The following TWF2 variants were observed in gnomAD, a reference collection of about 807,000 sequenced individuals.
The protein encoded by TWF2 is twinfilin actin binding protein 2.
A neutral mutation model predicts 45.1 loss-of-function variants in TWF2; 15 were observed. The ratio of observed to expected loss-of-function variants is 0.33; its 90% CI spans 0.22 to 0.51. The LOEUF (loss-of-function observed/expected upper bound fraction) is 0.51, where lower values mean the gene tolerates loss of function less well. Ranked by LOEUF, TWF2 falls within the 20% of genes least tolerant of loss-of-function variation. The pLI, the probability that TWF2 is intolerant of heterozygous loss-of-function variation, is 0.97. For missense variants in TWF2, 423 were observed against 469.1 expected, an observed-to-expected ratio of 0.90 and a Z score of 0.91; for synonymous variants, 177 against 195.8, an observed-to-expected ratio of 0.90 and a Z score of 0.80.
chr3:52,229,835 C>T (rs201505921), intron 7 of TWF2, 53 bp from the exon 8 acceptor site: 101 of 1,598,208 alleles, frequency 6.3e-5, no homozygotes, highest in Middle Eastern at 5.0e-4. Flanking sequence ...TGCTGACCTT[C>T]GCACCCAGAG....
chr3:52,236,720 C>A (rs995206824), intron 1 of TWF2, among the ~76,000 whole-genome samples: 1 of 152,184 alleles, frequency 6.6e-6, no homozygotes, highest in African/African-American at 2.4e-5. Flanking sequence ...TATGCACCAC[C>A]CTCCAAGGCC....
chr3:52,230,251 G>A (rs891344339), intron 6 of TWF2, among the ~76,000 whole-genome samples, 181 bp from the exon 7 acceptor site: 1 of 152,200 alleles, frequency 6.6e-6, no homozygotes, highest in South Asian at 2.1e-4. Flanking sequence ...GCCAGTCCTG[G>A]GCCCAGCCCC....
At chr3:52,231,060 G>T in intron 5 of TWF2, 65 bp from the exon 6 acceptor site, 1 of 1,610,096 alleles carries the variant, frequency 6.2e-7, no homozygotes, top group East Asian at 2.2e-5. Context: ...CTCCCAGGCA[G>T]CACAGGCTGC....
chr3:52,237,043 T>C (rs1699732269), intron 1 of TWF2, among the ~76,000 whole-genome samples: 3 of 152,192 alleles, frequency 2.0e-5, no homozygotes, highest in Non-Finnish European at 2.9e-5. Context: ...TAACAATTAA[T>C]CTTTTATTAT....
intron 6 of TWF2, 126 bp from the exon 7 acceptor site, chr3:52,230,196 A>C: frequency 7.8e-7 from 1 of 1,285,432 alleles, no homozygotes; most frequent in Non-Finnish European, 1.0e-6. Flanking sequence ...CTCTCCCAAG[A>C]CTCCCCTGCA....
rs754743093 is a variant in TWF2 at position 52,239,068 on chromosome 3, G to A, written c.-52C>T. ...CGTCGGAGCCCTCCGCTTGACCCTGGCCCGGCAACGCTCGCTGGACCAAGA... is the reference window on the plus strand; with the variant it reads ...CGTCGGAGCCCTCCGCTTGACCCTGACCCGGCAACGCTCGCTGGACCAAGA... On this transcript the variant is annotated 5_prime_UTR_variant, in exon 1 of 9. Coordinates refer to ENST00000305533, the MANE Select transcript of TWF2 (RefSeq NM_007284.4). 2.5e-6 allele frequency: 4 copies of A among 1,580,820 alleles called. No individual in the cohort carries two copies. Among genetic ancestry groups the A allele is most frequent in the Non-Finnish European group, 3.4e-6 (4 of 1,170,714 alleles).
chr3:52,234,979 C>T, intron 2 of TWF2, 50 bp downstream of exon 2: 1 of 1,598,356 alleles, frequency 6.3e-7, no homozygotes, highest in African/African-American at 1.3e-5. Context: ...CCCACAGAGG[C>T]AGCAGAGTCC....
intron 3 of TWF2, among the ~76,000 whole-genome samples, 189 bp from the exon 4 acceptor site, chr3:52,231,728 C>T (rs1699680682): frequency 6.6e-6 from 1 of 152,224 alleles, no homozygotes; most frequent in Non-Finnish European, 1.5e-5. Context: ...TGATCACAGC[C>T]TCCGGAGCCA....
chr3:52,228,848 G>C lies in TWF2; in HGVS notation c.*186C>G, dbSNP rs1699649950. Reference sequence around the variant, plus strand: ...CCCTGGGCACACAGACGAGATGCAGGGACAGCAACAGGGAAGGGTCACAAA... The same window carrying C: ...CCCTGGGCACACAGACGAGATGCAGCGACAGCAACAGGGAAGGGTCACAAA... On this transcript the variant is annotated 3_prime_UTR_variant, in exon 9 of 9. Transcript: ENST00000305533. 3 of 877,388 alleles carry C rather than the reference G, an allele frequency of 3.4e-6. No homozygotes were observed. The South Asian group carries it at 5.4e-5, about 16-fold the overall frequency. 54.4% of individuals were successfully genotyped at this position (877,388 alleles called of 1,614,324 possible). A position where few individuals can be genotyped will look rare whatever the true frequency, so the allele number is the denominator to read the frequency against.
chr3:52,229,781 C>T lies in TWF2; in HGVS notation c.762G>A (p.Val254=). 6.2e-7 allele frequency: 1 copy of T among 1,611,884 alleles called. No individual in the cohort carries two copies. The change falls in exon 8 of 9, where the codon GTG becomes GTA. Residue 254 remains valine (V), a splice_region_variant and synonymous_variant. Coordinates refer to ENST00000305533, the MANE Select transcript of TWF2 (RefSeq NM_007284.4). ...TGTACCCCGGCATGGAGTAGATGAACACTGTTGGGGGGCAGGAGGTGAGCC... is the reference window on the plus strand; with the variant it reads ...TGTACCCCGGCATGGAGTAGATGAATACTGTTGGGGGGCAGGAGGTGAGCC... ...THEGDPLESV[V]FIYSMPGYKC... is the part of the protein sequence containing the mutation.
In TWF2 at chr3:52,229,133, G is replaced by A. The variant is rs202042376; in HGVS notation, c.951C>T (p.His317=). The part of the protein sequence containing the change: ...FLYDEVHPKQ[H]AFKQAFAKPK... ...GCTTGGCGAAGGCCTGCTTGAAGGCGTGTTGCTTGGGGTGCACCTCGTCGT... is the reference window on the plus strand; with the variant it reads ...GCTTGGCGAAGGCCTGCTTGAAGGCATGTTGCTTGGGGTGCACCTCGTCGT... Residue 317 remains histidine (H), a synonymous_variant, in exon 9 of 9, where the codon CAC becomes CAT. Coordinates refer to ENST00000305533, the MANE Select transcript of TWF2 (RefSeq NM_007284.4). The A allele has an allele frequency of 1.9e-4, 299 of 1,613,614 alleles. 14 individuals are homozygous for A. In the South Asian group the frequency reaches 3.0e-3, roughly 16 times the overall value.
At chr3:52,231,894 C>T in intron 3 of TWF2, 50 bp downstream of exon 3, 1 of 1,581,852 alleles carries the variant, frequency 6.3e-7, no homozygotes, top group Non-Finnish European at 8.6e-7. Context: ...GCCTTGTTGC[C>T]TGGCTCAGCC....
rs569720759 is a variant in TWF2, at chr3:52,237,781, G to A, written c.25+1211C>T. Among the ~76,000 whole-genome samples the A allele has an allele frequency of 2.6e-5, 4 of 152,268 alleles. No individual in the cohort carries two copies. The East Asian group carries it at 7.7e-4, about 29-fold the overall frequency. ...TGACCCAGGCCCCTGCCTTCGCGGG[G>A]CCAGGGAAACCTTCTCAGGGCAGCC... On this transcript the variant is annotated intron_variant, in intron 1 of 8. Transcript: ENST00000305533.
rs1699683566 is a variant in TWF2 at position 52,232,009 on chromosome 3, G to T, written c.217C>A (p.Leu73Ile). ...AAGCCCTGAGCATTCTGTGAGTCGA[G>T]GCGGTAGAGCAGGTAGCAGGGCTGC... ...AQQPCYLLYR[L>I]DSQNAQGFEW... The change falls in exon 3 of 9, where the codon CTC (leucine) becomes ATC (isoleucine). Residue 73 changes from leucine (L) to isoleucine (I), a missense_variant. Coordinates refer to ENST00000305533, the MANE Select transcript of TWF2 (RefSeq NM_007284.4). The T allele has an allele frequency of 6.2e-7, 1 of 1,613,984 alleles. No individual in the cohort carries two copies. Among genetic ancestry groups the T allele is most frequent in the Non-Finnish European group, 8.5e-7 (1 of 1,180,000 alleles).
At chr3:52,230,797 T>A in intron 6 of TWF2, 73 bp downstream of exon 6, 1 of 1,542,964 alleles carries the variant, frequency 6.5e-7, no homozygotes, top group Non-Finnish European at 8.8e-7. Flanking sequence ...GGACTCCATG[T>A]ACATCTGCAC....
chr3:52,236,834 A>G (rs1371976037), intron 1 of TWF2, among the ~76,000 whole-genome samples: 1 of 152,118 alleles, frequency 6.6e-6, no homozygotes, highest in Non-Finnish European at 1.5e-5. Flanking sequence ...GGGCCAGGAC[A>G]GAACTTTCCA....
chr3:52,233,274 G>A (rs952688521), intron 2 of TWF2, among the ~76,000 whole-genome samples: 1 of 152,228 alleles, frequency 6.6e-6, no homozygotes, highest in Non-Finnish European at 1.5e-5. Flanking sequence ...CCGATGCCTG[G>A]ACGCCCCAAC....
At chr3:52,238,897 G>C in intron 1 of TWF2, 95 bp downstream of exon 1, 1 of 1,468,046 alleles carries the variant, frequency 6.8e-7, no homozygotes, top group Non-Finnish European at 9.1e-7. Flanking sequence ...CTTTCTCCCG[G>C]CTGGTGTGGG....
At chr3:52,229,891 G>A in intron 7 of TWF2, 29 bp downstream of exon 7, 1 of 1,598,910 alleles carries the variant, frequency 6.3e-7, no homozygotes, top group Non-Finnish European at 8.5e-7. Context: ...CCCAGCCACA[G>A]GCTTGGGAGC....
Sources: gnomAD v4.1 joint callset for allele counts (sites outside exome capture counted in the v4.1 genomes callset) on GRCh38, gnomAD v4.1.1 for gene constraint, MANE v1.5 for transcripts, NCBI Gene and HGNC (gene_info 2026-07-23, HGNC 2026-07-21) for gene names.